GPHN: variants seen among roughly 807,000 people sequenced by gnomAD.
GPHN encodes gephyrin.
GPHN carries 17 observed loss-of-function variants against 95.5 expected under a neutral mutation model. That is an observed-to-expected ratio of 0.18 (90% confidence interval 0.12 to 0.27). The LOEUF (loss-of-function observed/expected upper bound fraction) is 0.27. Ranked by LOEUF, GPHN falls within the 10% of genes least tolerant of loss-of-function variation. GPHN has a pLI of 1.00. For missense variants in GPHN, 660 were observed against 978.1 expected, an observed-to-expected ratio of 0.67 and a Z score of 4.34; for synonymous variants, 320 against 322.5, an observed-to-expected ratio of 0.99 and a Z score of 0.08.
intron 5 of GPHN, among the ~76,000 whole-genome samples, chr14:66,912,956 C>T (rs879509963): frequency 9.2e-5 from 14 of 152,118 alleles, no homozygotes; most frequent in Non-Finnish European, 1.8e-4. Flanking sequence ...CACAGCAGTT[C>T]TCAAACTTTT....
At chr14:66,857,846 G>C (rs751970478) in intron 4 of GPHN, among the ~76,000 whole-genome samples, 2 of 152,178 alleles carry the variant, frequency 1.3e-5, no homozygotes, top group Non-Finnish European at 2.9e-5. Flanking sequence ...GAGAGAATCT[G>C]TGCATTTGGG....
chr14:67,504,682 C>A, the GPHN span, among the ~76,000 whole-genome samples: 191 of 152,252 alleles, frequency 1.3e-3, no homozygotes, highest in African/African-American at 4.6e-3. Flanking sequence ...GTCAGGAGTT[C>A]AAGACCAGCC....
the GPHN span, chr14:67,350,819 C>T: frequency 3.5e-5 from 29 of 838,372 alleles, no homozygotes; most frequent in Admixed American, 9.6e-5. Flanking sequence ...GGTTTGATAA[C>T]GACAAACAGA....
chr14:67,688,221 T>C, the GPHN span, among the ~76,000 whole-genome samples: 1 of 152,206 alleles, frequency 6.6e-6, no homozygotes, highest in Non-Finnish European at 1.5e-5. Flanking sequence ...AAATCCATTG[T>C]AAGTCCTGGT....
At chr14:66,594,779 C>T (rs1483025513) in intron 1 of GPHN, among the ~76,000 whole-genome samples, 1 of 152,004 alleles carries the variant, frequency 6.6e-6, no homozygotes, top group East Asian at 1.9e-4. Context: ...TTGGATATAA[C>T]CCCCAAAGCA....
At chr14:67,051,883 A>G (rs1020005917) in intron 10 of GPHN, among the ~76,000 whole-genome samples, 18 of 152,230 alleles carry the variant, frequency 1.2e-4, no homozygotes, top group African/African-American at 4.3e-4. Context: ...TGAAGGAAAA[A>G]TAAAATCCTT....
intron 1 of GPHN, among the ~76,000 whole-genome samples, chr14:66,569,857 A>G (rs7149132): frequency 0.32 from 49,011 of 151,780 alleles, 11,506 homozygotes; most frequent in African/African-American, 0.64. Context: ...GTTATTAACT[A>G]TAGTCACCAT....
At chr14:67,364,986 C>A in the GPHN span, 1 of 1,606,970 alleles carries the variant, frequency 6.2e-7, no homozygotes, top group South Asian at 1.1e-5. Context: ...GTGTGGTTGT[C>A]ATTAGGGTGG....
intron 3 of GPHN, among the ~76,000 whole-genome samples, chr14:66,792,914 A>T (rs1397454639): frequency 6.6e-6 from 1 of 152,264 alleles, no homozygotes; most frequent in Admixed American, 6.5e-5. Context: ...AAACGAAGGG[A>T]TGGGCCAAAA....
the GPHN span, among the ~76,000 whole-genome samples, chr14:67,673,252 G>T: frequency 1.3e-5 from 2 of 152,268 alleles, no homozygotes; most frequent in African/African-American, 4.8e-5. Flanking sequence ...GCTGAGGCAG[G>T]AGAATTGCTT....
chr14:66,717,887 A>C (rs1481362846), intron 2 of GPHN, among the ~76,000 whole-genome samples: 1 of 152,214 alleles, frequency 6.6e-6, no homozygotes. Context: ...CGTGGATACC[A>C]GCAGCTGTTC....
the GPHN span, among the ~76,000 whole-genome samples, chr14:67,277,096 T>G: frequency 6.6e-6 from 1 of 152,210 alleles, no homozygotes; most frequent in Non-Finnish European, 1.5e-5. Context: ...ATTTTTCTGC[T>G]TACTTGTAAT....
At chr14:67,376,274 A>G in the GPHN span, among the ~76,000 whole-genome samples, 2 of 152,236 alleles carry the variant, frequency 1.3e-5, no homozygotes, top group African/African-American at 4.8e-5. Context: ...CCTAAATTGT[A>G]TACTATCTCT....
chr14:67,399,948 C>A, the GPHN span, among the ~76,000 whole-genome samples: 4 of 152,184 alleles, frequency 2.6e-5, no homozygotes, highest in African/African-American at 9.7e-5. Flanking sequence ...GGGCTAGGTT[C>A]TAACCAACAG....
chr14:66,554,185 C>T (rs984629547), intron 1 of GPHN, among the ~76,000 whole-genome samples: 4 of 151,824 alleles, frequency 2.6e-5, no homozygotes, highest in African/African-American at 9.7e-5. Context: ...TTATTTGTGC[C>T]AGGATGCATA....
At chr14:67,207,241 G>A in the GPHN span, among the ~76,000 whole-genome samples, 1 of 152,080 alleles carries the variant, frequency 6.6e-6, no homozygotes, top group East Asian at 1.9e-4. Flanking sequence ...GGTAAAGGAA[G>A]CACAATGCTG....
At chr14:67,507,707 T>G in the GPHN span, among the ~76,000 whole-genome samples, 2 of 152,116 alleles carry the variant, frequency 1.3e-5, no homozygotes, top group African/African-American at 4.8e-5. Flanking sequence ...AGTGCTAGGA[T>G]TACAGGTGTG....
At chr14:67,154,043 A>G (rs1024406691) in intron 18 of GPHN, among the ~76,000 whole-genome samples, 9 of 152,234 alleles carry the variant, frequency 5.9e-5, no homozygotes, top group African/African-American at 1.7e-4. Flanking sequence ...TAGCAAATAT[A>G]TAAGCATCTG....
the GPHN span, among the ~76,000 whole-genome samples, chr14:67,367,948 C>G: frequency 6.6e-6 from 1 of 152,086 alleles, no homozygotes; most frequent in East Asian, 1.9e-4. Context: ...TTCTTAGTTT[C>G]TTTAAAAATA....
Sources: gnomAD v4.1 joint callset for allele counts (sites outside exome capture counted in the v4.1 genomes callset) on GRCh38, gnomAD v4.1.1 for gene constraint, MANE v1.5 for transcripts, NCBI Gene and HGNC (gene_info 2026-07-23, HGNC 2026-07-21) for gene names.